Variants in SETD1B observed in about 807,000 individuals in gnomAD.
SETD1B encodes SET domain containing 1B, histone lysine methyltransferase.
SETD1B carries 7 observed loss-of-function variants against 148.0 expected under a neutral mutation model. The observed-to-expected ratio is 0.05, with a 90% CI of 0.03 to 0.09. SETD1B has a LOEUF of 0.09. Among genes scored for constraint, SETD1B ranks in the 10% least tolerant of loss-of-function variants. The probability of loss-of-function intolerance (pLI) is 1.00; values close to 1 mark genes in which losing one functional copy is unlikely to be tolerated. For missense variants in SETD1B, 2,155 were observed against 2,729.9 expected (o/e 0.79, Z 4.69); for synonymous variants, 1,361 against 1,186.5 (o/e 1.15, Z -3.02).
chr12:121,798,213 C>T, the SETD1B span, among the ~76,000 whole-genome samples: 32 of 152,164 alleles, frequency 2.1e-4, no homozygotes, highest in Non-Finnish European at 3.5e-4. Context: ...AGTCACTTCT[C>T]CCCGGACCAT....
rs1875685943 is a variant in SETD1B, at chr12:121,805,430, A to G, written c.273+214A>G. Reference sequence around the variant, plus strand: ...GGGTGAAACTGTAATCACGGCGCAGATACAGTGTCCTGCACGCCCCGCGGG... The same window carrying G: ...GGGTGAAACTGTAATCACGGCGCAGGTACAGTGTCCTGCACGCCCCGCGGG... On this transcript the variant is annotated intron_variant, in intron 3 of 16. Coordinates refer to ENST00000604567, the MANE Select transcript of SETD1B (RefSeq NM_001353345.2). This position sits in a 1 kb window ranked among gnomAD's most constrained non-coding sequence, Gnocchi z 4.2. 6.6e-6 allele frequency among the ~76,000 whole-genome samples: 1 copy of G among 152,116 alleles called. No individual in the cohort carries two copies. Among genetic ancestry groups the G allele is most frequent in the African/African-American group, 2.4e-5 (1 of 41,418 alleles).
At chr12:121,826,215 T>C (rs1437335089) in intron 13 of SETD1B, among the ~76,000 whole-genome samples, 1 of 152,116 alleles carries the variant, frequency 6.6e-6, no homozygotes, top group East Asian at 1.9e-4. Flanking sequence ...CCAGCTGGAA[T>C]TTATATTTTA....
At chr12:121,827,881 C>T (rs539982091) in intron 15 of SETD1B, 27 bp downstream of exon 15, 1 of 1,553,138 alleles carries the variant, frequency 6.4e-7, no homozygotes, top group African/African-American at 1.4e-5. Context: ...AGGATGGGCA[C>T]CGGGGTGGGC....
the SETD1B span, chr12:121,793,481 C>G: frequency 6.5e-7 from 1 of 1,540,184 alleles, no homozygotes; most frequent in Non-Finnish European, 8.7e-7. Flanking sequence ...ACCCCAGCCC[C>G]GCTGCGGGCC....
chr12:121,815,397 T>A (rs1876240973), intron 7 of SETD1B, among the ~76,000 whole-genome samples: 1 of 63,140 alleles, frequency 1.6e-5, no homozygotes, highest in Non-Finnish European at 4.3e-5. Context: ...TGGTGCAGAC[T>A]GCCCCCCCCG....
At chr12:121,795,975 C>A in the SETD1B span, 1 of 152,246 alleles carries the variant, frequency 6.6e-6, no homozygotes, top group Non-Finnish European at 1.5e-5. Flanking sequence ...AGTCTGCCCA[C>A]CCACCCCTGC....
chr12:121,799,740 G>GGGGGGGGGGGGGGGGGGT (rs1566540807), upstream of SETD1B: 1 of 109,010 alleles, frequency 9.2e-6, no homozygotes. Context: ...GTGGGGTGGG[G>GGGGGGGGGGGGGGGGGGT]CGGGGCCGCA....
At position 121,810,753 on chromosome 12, in the gene SETD1B, C is replaced by T; in HGVS notation, c.1808C>T (p.Pro603Leu). ...CCACCTGAGCCAGGCCCCCCGGACC[C>T]TGCTGGGCTTCTGAGCCAGACAGCT... is the stretch of plus-strand genomic sequence containing the variant. ...RPPPEPGPPD[P>L]AGLLSQTAEV... The change falls in exon 6 of 17, where the codon CCT (proline) becomes CTT (leucine). Residue 603 changes from proline to leucine, a missense_variant. Pro to Leu is a moderately conservative substitution (Grantham distance 98, BLOSUM62 -3). This residue lies in a region of SETD1B where 295 missense variants were observed against 303.8 expected (regional missense o/e 0.97). Transcript: ENST00000604567. This position sits in a 1 kb window ranked among gnomAD's most constrained non-coding sequence, Gnocchi z 7.6. 1 of 1,550,222 alleles carries T rather than the reference C, an allele frequency of 6.5e-7. No homozygotes were observed.
chr12:121,826,657 G>A (rs1592992001), intron 13 of SETD1B, among the ~76,000 whole-genome samples: 1 of 152,146 alleles, frequency 6.6e-6, no homozygotes, highest in African/African-American at 2.4e-5. Flanking sequence ...CTGGGGTGGT[G>A]TGGAGCTGGT....
At chr12:121,798,633 A>C in the SETD1B span, among the ~76,000 whole-genome samples, 3 of 152,206 alleles carry the variant, frequency 2.0e-5, no homozygotes, top group African/African-American at 7.2e-5. Flanking sequence ...ACTTAGCACC[A>C]AGATACCTTT....
At position 121,805,169 on chromosome 12, in the gene SETD1B, A is replaced by C; in HGVS notation, c.226A>C (p.Ile76Leu). The change falls in exon 3 of 17, where the codon ATC becomes CTC. Residue 76 changes from isoleucine (I) to leucine (L), a missense_variant. Physicochemically the swap from Ile to Leu is conservative, Grantham distance 5. This residue lies in a region of SETD1B where 124 missense variants were observed against 282.9 expected (regional missense o/e 0.44). Transcript: ENST00000604567. The surrounding 1 kb of genome is among the most constrained non-coding windows in gnomAD (Gnocchi z 4.2). Reference protein sequence around the residue: ...EIVEDPRVVGIWTKNKELELS... With the variant: ...EIVEDPRVVGLWTKNKELELS... ...TGTCGAAGATCCCCGGGTCGTCGGG[A>C]TCTGGACCAAAAACAAGGAGCTGGA... is the stretch of plus-strand genomic sequence containing the variant. 6.4e-7 allele frequency: 1 copy of C among 1,551,506 alleles called. No homozygotes were observed. The highest frequency in any genetic ancestry group is 8.7e-7 in the Non-Finnish European group (1 of 1,146,948).
upstream of SETD1B, chr12:121,803,346 G>A (rs1296077482): frequency 6.6e-6 from 1 of 152,326 alleles, no homozygotes; most frequent in Non-Finnish European, 1.5e-5. The surrounding 1 kb of genome is among the most constrained non-coding windows in gnomAD (Gnocchi z 4.7). Context: ...ATGTGTTCAG[G>A]ACAATTACAG....
chr12:121,813,453 C>T (rs947190202), intron 6 of SETD1B, among the ~76,000 whole-genome samples: 1 of 152,242 alleles, frequency 6.6e-6, no homozygotes, highest in African/African-American at 2.4e-5. Context: ...AGAACCACTT[C>T]CTGGTTCAAA....
chr12:121,827,058 G>T (rs1348572130), intron 13 of SETD1B, among the ~76,000 whole-genome samples: 1 of 152,124 alleles, frequency 6.6e-6, no homozygotes, highest in Non-Finnish European at 1.5e-5. Context: ...AGTGGTGACT[G>T]AAGGTCACAG....
At chr12:121,791,627 C>T in the SETD1B span, among the ~76,000 whole-genome samples, 2 of 152,212 alleles carry the variant, frequency 1.3e-5, no homozygotes, top group African/African-American at 2.4e-5. Context: ...TGCAGCTTTC[C>T]AGAATCTCCA....
chr12:121,797,380 G>T, the SETD1B span: 1 of 445,844 alleles, frequency 2.2e-6, no homozygotes, highest in African/African-American at 2.0e-5. Flanking sequence ...CGTTCGCTGG[G>T]TGACCGGTGG....
rs1033785206 is a variant in SETD1B, at chr12:121,817,363, C to A, written c.2978-7C>A. The A allele has an allele frequency of 6.5e-7, 1 of 1,528,416 alleles. No homozygotes were observed. The highest frequency in any genetic ancestry group is 8.8e-7 in the Non-Finnish European group (1 of 1,133,284). The allele number at this position is 1,528,416 out of a possible 1,614,324, so 94.7% of individuals were successfully genotyped here. A position where few individuals can be genotyped will look rare whatever the true frequency, so the allele number is the denominator to read the frequency against. On this transcript the variant is annotated splice_region_variant and splice_polypyrimidine_tract_variant and intron_variant, in intron 8 of 16. Transcript: ENST00000604567. The surrounding 1 kb of genome is among the most constrained non-coding windows in gnomAD (Gnocchi z 8.1). ...CAGCCCAGCTCTGACTCCCTCCCTT[C>A]CTGCAGAGTCCGAGCGAGAGCGAGA...
the SETD1B span, among the ~76,000 whole-genome samples, chr12:121,794,730 G>A: frequency 6.6e-6 from 1 of 152,070 alleles, no homozygotes; most frequent in African/African-American, 2.4e-5. Flanking sequence ...ACCCTGGGCG[G>A]GCTGACTGCC....
chr12:121,809,267 T>A (rs1875895044), intron 5 of SETD1B, among the ~76,000 whole-genome samples: 1 of 152,224 alleles, frequency 6.6e-6, no homozygotes, highest in Admixed American at 6.5e-5. Flanking sequence ...TTCTTGGTCA[T>A]AATCCTGCCT....
Sources: allele counts gnomAD v4.1 joint callset (sites outside exome capture counted in the v4.1 genomes callset), GRCh38; gene constraint gnomAD v4.1.1; regional missense constraint gnomAD v4.1.1; non-coding constraint Gnocchi (gnomAD v3.1); transcripts MANE v1.5; gene names NCBI Gene and HGNC (gene_info 2026-07-23, HGNC 2026-07-21).